The following ANO5 variants were observed in gnomAD, a reference collection of about 807,000 sequenced individuals.
ANO5 encodes the protein anoctamin-5.
A neutral mutation model predicts 121.0 loss-of-function variants in ANO5; 109 were observed. That is an observed-to-expected ratio of 0.90 (90% CI 0.77 to 1.06). The LOEUF is 1.06. Ranked by LOEUF, ANO5 falls within the 50% of genes least tolerant of loss-of-function variation. ANO5 has a pLI of 0.00. For synonymous variants in ANO5, 406 were observed against 359.9 expected, an observed-to-expected ratio of 1.13 and a Z score of -1.45; for missense variants, 1,064 against 1,078.5, an observed-to-expected ratio of 0.99 and a Z score of 0.19.
chr11:22,221,724 G>A (rs748134895), intron 5 of ANO5, among the ~76,000 whole-genome samples: 40 of 151,790 alleles, frequency 2.6e-4, no homozygotes, highest in African/African-American at 9.2e-4. Flanking sequence ...CTTGTTCACC[G>A]TTATGTACCC....
chr11:22,206,167 GA>G (rs1389209253), intron 2 of ANO5, among the ~76,000 whole-genome samples: 1 of 151,900 alleles, frequency 6.6e-6, no homozygotes, highest in Non-Finnish European at 1.5e-5. Flanking sequence ...AAAAAAAAAT[GA>G]AAACAAAAAA....
chr11:22,226,133 T>C, intron 6 of ANO5, 81 bp downstream of exon 6: 1 of 1,185,658 alleles, frequency 8.4e-7, no homozygotes, highest in Admixed American at 1.8e-5. Flanking sequence ...CTGGATAGAC[T>C]CTGTGTTTGG....
At chr11:22,242,212 A>G (rs1853455097) in intron 9 of ANO5, among the ~76,000 whole-genome samples, 1 of 151,972 alleles carries the variant, frequency 6.6e-6, no homozygotes, top group Non-Finnish European at 1.5e-5. Flanking sequence ...GTGCAGCTTC[A>G]TTTCTGCTTT....
rs200803428 is a variant in ANO5 at position 22,257,101 on chromosome 11, G to GT, written c.1333-572dup. Among the ~76,000 whole-genome samples the GT allele has an allele frequency of 1.7e-3, 259 of 151,076 alleles. 2 individuals carry two copies. Among genetic ancestry groups the GT allele is most frequent in the African/African-American group, 5.9e-3 (242 of 41,272 alleles). On this transcript the variant is annotated intron_variant, in intron 13 of 21. Coordinates refer to ENST00000324559, the MANE Select transcript of ANO5 (RefSeq NM_213599.3). The stretch of plus-strand genomic sequence containing the variant: ...TTTTTTTGTTTGTTTGTTTTGTTTT[G>GT]TTTTTTTACTATTTTTTGCTTCTTT...
chr11:22,263,395 G>A (rs190730352), intron 17 of ANO5, among the ~76,000 whole-genome samples: 3 of 152,164 alleles, frequency 2.0e-5, no homozygotes, highest in Admixed American at 2.0e-4. Flanking sequence ...ACATCTAAAT[G>A]CTATATCCTC....
intron 5 of ANO5, among the ~76,000 whole-genome samples, chr11:22,224,918 A>G (rs1852773958): frequency 6.6e-6 from 1 of 152,070 alleles, no homozygotes; most frequent in African/African-American, 2.4e-5. Flanking sequence ...GACAAATGTC[A>G]TATGTTCTCA....
At chr11:22,228,137 T>A (rs1197345771) in intron 7 of ANO5, among the ~76,000 whole-genome samples, 1 of 152,066 alleles carries the variant, frequency 6.6e-6, no homozygotes, top group East Asian at 1.9e-4. Flanking sequence ...TCAGAAAGAA[T>A]CATGGTTTTG....
At chr11:22,273,330 TTG>T (rs879286897) in intron 19 of ANO5, among the ~76,000 whole-genome samples, 14 of 152,290 alleles carry the variant, frequency 9.2e-5, no homozygotes, top group Admixed American at 2.6e-4. Context: ...CATTTACCTG[TTG>T]TGTTTATGAA....
chr11:22,246,684 A>G (rs1321035758), intron 9 of ANO5, among the ~76,000 whole-genome samples: 1 of 151,792 alleles, frequency 6.6e-6, no homozygotes, highest in Non-Finnish European at 1.5e-5. Context: ...CTAAAAAATA[A>G]TAATACTACT....
intron 12 of ANO5, among the ~76,000 whole-genome samples, chr11:22,251,954 C>T (rs139472809): frequency 0.027 from 3,991 of 147,402 alleles, 171 homozygotes; most frequent in African/African-American, 0.096. Context: ...GGCATGAACC[C>T]GGGAGGCTGA....
chr11:22,232,148 T>G (rs1853062175), intron 7 of ANO5, among the ~76,000 whole-genome samples: 1 of 152,048 alleles, frequency 6.6e-6, no homozygotes, highest in Non-Finnish European at 1.5e-5. Flanking sequence ...GTAGTCTGGC[T>G]TCTTTAACTC....
intron 14 of ANO5, 26 bp downstream of exon 14, chr11:22,257,780 T>A (rs577117239): frequency 1.3e-6 from 2 of 1,572,466 alleles, no homozygotes; most frequent in South Asian, 1.1e-5. Flanking sequence ...AAAATTGCTA[T>A]AATTTCTTCA....
At chr11:22,220,669 C>T (rs1852610602) in intron 4 of ANO5, among the ~76,000 whole-genome samples, 1 of 151,882 alleles carries the variant, frequency 6.6e-6, no homozygotes, top group African/African-American at 2.4e-5. Flanking sequence ...ATAGAATAAA[C>T]ATTAATCATA....
chr11:22,276,856 C>T (rs1015740491), intron 21 of ANO5, among the ~76,000 whole-genome samples: 2 of 151,248 alleles, frequency 1.3e-5, no homozygotes, highest in Non-Finnish European at 1.5e-5. Flanking sequence ...ACTTTTTCAC[C>T]CTGGAATAAA....
At chr11:22,235,651 A>C (rs1237567236) in intron 7 of ANO5, among the ~76,000 whole-genome samples, 1 of 152,186 alleles carries the variant, frequency 6.6e-6, no homozygotes, top group East Asian at 1.9e-4. Flanking sequence ...CATATTCAGG[A>C]TAAAACTGAT....
chr11:22,250,664 G>T, intron 10 of ANO5, 77 bp from the exon 11 acceptor site: 1 of 1,387,730 alleles, frequency 7.2e-7, no homozygotes. Context: ...TATATAAGTA[G>T]TTGTTCTAAT....
Position 22,239,701 on chromosome 11 carries a change from G to A in ANO5, c.878+17G>A, listed in dbSNP as rs749031281. The A allele has an allele frequency of 2.0e-5, 31 of 1,535,004 alleles. 1 individual carries two copies. In the South Asian group the frequency reaches 2.9e-4, roughly 14 times the overall value. On this transcript the variant is annotated intron_variant, in intron 9 of 21. Coordinates refer to ENST00000324559, the MANE Select transcript of ANO5 (RefSeq NM_213599.3). The stretch of plus-strand genomic sequence containing the variant: ...CTTGATTAAGTAAGTTTCATACACA[G>A]GATCAGACCAATTAAAACTTGATAA...
chr11:22,274,355 A>C lies in ANO5; in HGVS notation c.2236-214A>C, dbSNP rs139108899. On this transcript the variant is annotated intron_variant, in intron 19 of 21. Coordinates refer to ENST00000324559, the MANE Select transcript of ANO5 (RefSeq NM_213599.3). The stretch of plus-strand genomic sequence containing the variant: ...TTTCGGTCTGACTCTCTACTTAGCC[A>C]CTTTGTAGCTATGAAATCTTGGAAT... Among the ~76,000 whole-genome samples, 576 of 152,254 alleles carry C rather than the reference A, an allele frequency of 3.8e-3. 3 individuals are homozygous for C. The highest frequency in any genetic ancestry group is 0.013 in the African/African-American group (551 of 41,558).
chr11:22,193,008 C>T, upstream of ANO5: 1 of 985,108 alleles, frequency 1.0e-6, no homozygotes, highest in Non-Finnish European at 1.2e-6. Flanking sequence ...GCCGGTCTTG[C>T]GGTCTGGAGG....
Sources: allele counts gnomAD v4.1 joint callset (sites outside exome capture counted in the v4.1 genomes callset), GRCh38; gene constraint gnomAD v4.1.1; transcripts MANE v1.5; gene names NCBI Gene and HGNC (gene_info 2026-07-23, HGNC 2026-07-21).